CNTN4: variants seen among roughly 807,000 people sequenced by gnomAD.
The protein encoded by CNTN4 is contactin-4.
A neutral mutation model predicts 122.5 loss-of-function variants in CNTN4; 77 were observed. The observed-to-expected ratio is 0.63, with a 90% confidence interval of 0.52 to 0.76. The LOEUF is 0.76. Ranked by LOEUF, CNTN4 falls within the 30% of genes least tolerant of loss-of-function variation. CNTN4 has a pLI of 0.00. For synonymous variants in CNTN4, 512 were observed against 447.0 expected (o/e 1.15, Z -1.83); for missense variants, 1,256 against 1,259.1 (o/e 1.00, Z 0.04).
At chr3:2,876,816 T>C (rs1484113492) in intron 8 of CNTN4, among the ~76,000 whole-genome samples, 1 of 152,224 alleles carries the variant, frequency 6.6e-6, no homozygotes, top group Admixed American at 6.5e-5. Context: ...ACTTGGTCCC[T>C]CAAGTTGGGA....
rs114546366 is a variant in CNTN4, at chr3:2,986,729, C to T, written c.1359-1616C>T. On this transcript the variant is annotated intron_variant, in intron 13 of 24. Transcript: ENST00000418658. ...GCACTAGTGCCAAGTGGTTCAACCA[C>T]TCTGAATTCCTACAACGTATTACCG... Among the ~76,000 whole-genome samples the T allele has an allele frequency of 6.4e-3, 979 of 152,320 alleles. 10 individuals are homozygous for T. The highest frequency in any genetic ancestry group is 0.022 in the African/African-American group (933 of 41,580).
At chr3:2,519,588 G>A (rs2077139899) in intron 3 of CNTN4, among the ~76,000 whole-genome samples, 1 of 152,186 alleles carries the variant, frequency 6.6e-6, no homozygotes, top group Admixed American at 6.5e-5. Context: ...CCAAAGACCT[G>A]CAGAAACCAG....
Position 2,394,190 on chromosome 3 carries a change from G to GA in CNTN4, c.-89+54964dup, listed in dbSNP as rs542437518. ...TTGTTTTTTTTTTAATATTGAGAATGAAAAAAAGGCATAATAGCATCAATC... is the reference window on the plus strand; with the variant it reads ...TTGTTTTTTTTTTAATATTGAGAATGAAAAAAAAGGCATAATAGCATCAATC... On this transcript the variant is annotated intron_variant, in intron 3 of 24. Transcript: ENST00000418658. Among the ~76,000 whole-genome samples the GA allele has an allele frequency of 6.2e-4, 93 of 151,130 alleles. 1 individual carries two copies. The highest frequency in any genetic ancestry group is 1.8e-3 in the African/African-American group (73 of 41,282).
At chr3:2,746,429 A>C (rs563545689) in intron 6 of CNTN4, among the ~76,000 whole-genome samples, 1 of 152,364 alleles carries the variant, frequency 6.6e-6, no homozygotes, top group South Asian at 2.1e-4. Flanking sequence ...GGAATTTAGA[A>C]ATCACAATTT....
intron 10 of CNTN4, among the ~76,000 whole-genome samples, chr3:2,899,994 T>G (rs1177619070): frequency 6.6e-6 from 1 of 152,278 alleles, no homozygotes; most frequent in East Asian, 1.9e-4. Flanking sequence ...ATAAAGTAGC[T>G]TAGATGAAAA....
rs2047604755 is a variant in CNTN4, at chr3:2,421,250, T to C, written c.-89+82017T>C. Among the ~76,000 whole-genome samples, 3 of 51,016 alleles carry C rather than the reference T, an allele frequency of 5.9e-5. No homozygotes were observed. The Admixed American group carries it at 9.0e-4, about 15-fold the overall frequency. 33.5% of individuals were successfully genotyped at this position (51,016 alleles called of 152,430 possible). On this transcript the variant is annotated intron_variant, in intron 3 of 24. Transcript: ENST00000418658. ...TAGGGTGGGTACCCTTCAGGGGGTTTCTTTTTTTTTTTTTTTCCTTGACTA... is the reference window on the plus strand; with the variant it reads ...TAGGGTGGGTACCCTTCAGGGGGTTCCTTTTTTTTTTTTTTTCCTTGACTA...
intron 4 of CNTN4, among the ~76,000 whole-genome samples, chr3:2,686,340 C>T (rs1341355554): frequency 6.6e-6 from 1 of 152,076 alleles, no homozygotes; most frequent in African/African-American, 2.4e-5. Flanking sequence ...GTGCTTCTAA[C>T]AGTATGAGAG....
At chr3:2,108,298 A>G (rs1406562013) in intron 2 of CNTN4, among the ~76,000 whole-genome samples, 2 of 151,630 alleles carry the variant, frequency 1.3e-5, no homozygotes, top group Admixed American at 6.6e-5. Context: ...GCCTCTTTCA[A>G]TACTATTGAG....
chr3:2,945,038 G>T (rs575807798), intron 13 of CNTN4, among the ~76,000 whole-genome samples: 1 of 152,152 alleles, frequency 6.6e-6, no homozygotes, highest in African/African-American at 2.4e-5. Flanking sequence ...TATAAGCTTA[G>T]TGGAGGCAGT....
At chr3:2,489,421 A>G (rs1452684224) in intron 3 of CNTN4, among the ~76,000 whole-genome samples, 1 of 152,130 alleles carries the variant, frequency 6.6e-6, no homozygotes. Flanking sequence ...TCACTCCCAC[A>G]CTTACCCTCT....
intron 2 of CNTN4, among the ~76,000 whole-genome samples, chr3:2,213,999 C>A (rs1457676690): frequency 2.6e-5 from 4 of 152,130 alleles, no homozygotes; most frequent in Non-Finnish European, 4.4e-5. Flanking sequence ...TTCATTGCAT[C>A]ATGTCATCTA....
In CNTN4 at chr3:2,849,986, C is replaced by CTTTTTTTTTTTT. The variant is rs746657018; in HGVS notation, c.455-16758_455-16757insTTTTTTTTTTTT. Among the ~76,000 whole-genome samples, 2 of 140,698 alleles carry CTTTTTTTTTTTT rather than the reference C, an allele frequency of 1.4e-5. 1 individual carries two copies. The allele number at this position is 140,698 out of a possible 152,430, so 92.3% of individuals were successfully genotyped here. ...CCATTTTGGAAAATGTTAGCAATCA[C>CTTTTTTTTTTTT]TTTTTTTTCTTTTTTTTTTCTGAGA... On this transcript the variant is annotated intron_variant, in intron 7 of 24. Transcript: ENST00000418658.
At chr3:2,532,219 T>C (rs1287336685) in intron 3 of CNTN4, among the ~76,000 whole-genome samples, 1 of 152,144 alleles carries the variant, frequency 6.6e-6, no homozygotes, top group Non-Finnish European at 1.5e-5. Context: ...TGTGAGATAG[T>C]TTTTCCTAGG....
At chr3:2,362,055 C>T (rs1229593660) in intron 3 of CNTN4, among the ~76,000 whole-genome samples, 1 of 152,046 alleles carries the variant, frequency 6.6e-6, no homozygotes, top group African/African-American at 2.4e-5. Flanking sequence ...ATTAAGCATT[C>T]CAGGGAGTGG....
At chr3:2,445,021 C>CTCTATCTA (rs562505576) in intron 3 of CNTN4, among the ~76,000 whole-genome samples, 1 of 145,038 alleles carries the variant, frequency 6.9e-6, no homozygotes, top group African/African-American at 2.8e-5. Context: ...AAATCTATCT[C>CTCTATCTA]TCTATCTATC....
intron 2 of CNTN4, among the ~76,000 whole-genome samples, chr3:2,236,617 T>C (rs1404042417): frequency 2.6e-5 from 4 of 152,220 alleles, no homozygotes; most frequent in Admixed American, 6.5e-5. Flanking sequence ...TCAGGAATAA[T>C]GTTAATTATT....
intron 6 of CNTN4, among the ~76,000 whole-genome samples, chr3:2,769,180 G>C (rs1288458717): frequency 6.6e-6 from 1 of 151,902 alleles, no homozygotes; most frequent in African/African-American, 2.4e-5. Context: ...TTAAAATAAG[G>C]TGGCCAGGCA....
chr3:2,822,419 G>C (rs1285494771), intron 7 of CNTN4, among the ~76,000 whole-genome samples: 1 of 152,134 alleles, frequency 6.6e-6, no homozygotes, highest in Non-Finnish European at 1.5e-5. Flanking sequence ...TGTTTATCAA[G>C]TGTGTTTGCA....
intron 4 of CNTN4, among the ~76,000 whole-genome samples, chr3:2,714,371 T>A (rs2087348759): frequency 6.6e-6 from 1 of 152,138 alleles, no homozygotes; most frequent in Non-Finnish European, 1.5e-5. Flanking sequence ...TAGAAAAATC[T>A]ATGTGTAGCC....
Sources: gnomAD v4.1 joint callset for allele counts (sites outside exome capture counted in the v4.1 genomes callset) on GRCh38, gnomAD v4.1.1 for gene constraint, MANE v1.5 for transcripts, NCBI Gene and HGNC (gene_info 2026-07-23, HGNC 2026-07-21) for gene names.